Variants in TNS4 observed in about 807,000 individuals in gnomAD.
The protein encoded by TNS4 is tensin 4.
TNS4 carries 46 observed loss-of-function variants against 70.4 expected under a neutral mutation model. The ratio of observed to expected loss-of-function variants is 0.65; its 90% confidence interval spans 0.52 to 0.84. The LOEUF is 0.84. TNS4 is among the 40% of genes least tolerant of loss of function. The pLI is 0.00. For synonymous variants in TNS4, 390 were observed against 366.6 expected (o/e 1.06, Z -0.73); for missense variants, 863 against 907.0 (o/e 0.95, Z 0.62).
chr17:40,496,620 A>C, intron 1 of TNS4, 100 bp from the exon 2 acceptor site: 2 of 600,988 alleles, frequency 3.3e-6, no homozygotes, highest in South Asian at 2.2e-5. Context: ...ATTTAAAAGC[A>C]TGGATGCTGG....
intron 4 of TNS4, among the ~76,000 whole-genome samples, chr17:40,486,727 C>G (rs1192024125): frequency 6.6e-6 from 1 of 152,168 alleles, no homozygotes; most frequent in Non-Finnish European, 1.5e-5. Flanking sequence ...CCACAAACTT[C>G]TGATCCATTT....
chr17:40,479,648 G>A (rs1218893582), intron 10 of TNS4, 26 bp downstream of exon 10: 1 of 1,604,574 alleles, frequency 6.2e-7, no homozygotes, highest in South Asian at 1.1e-5. Context: ...CAGCCCCGGA[G>A]CCCCAGGGCA....
chr17:40,479,823 C>T lies in TNS4; in HGVS notation c.1761G>A (p.Leu587=), dbSNP rs778408758. The T allele has an allele frequency of 6.2e-7, 1 of 1,612,748 alleles. No homozygotes were observed. Among genetic ancestry groups the T allele is most frequent in the Non-Finnish European group, 8.5e-7 (1 of 1,179,588 alleles). The change falls in exon 10 of 13, where the codon CTG becomes CTA. Residue 587 remains leucine, a synonymous_variant. Coordinates refer to ENST00000254051, the MANE Select transcript of TNS4 (RefSeq NM_032865.6). ...KKSAGCHTLY[L]SSVSVETLTG... ...TCAGGGTCTCCACGCTCACTGAGCTCAGGTACAGGGTGTGGCAGCCTGTGG... is the reference window on the plus strand; with the variant it reads ...TCAGGGTCTCCACGCTCACTGAGCTTAGGTACAGGGTGTGGCAGCCTGTGG...
intron 5 of TNS4, 121 bp downstream of exon 5, chr17:40,484,800 T>TC (rs1567810304): frequency 2.2e-6 from 3 of 1,359,492 alleles, no homozygotes; most frequent in African/African-American, 1.4e-5. Context: ...CAGCAGGACA[T>TC]CCCCCTCCCC....
chr17:40,487,189 C>G lies in TNS4; in HGVS notation c.1135G>C (p.Gly379Arg). 3.1e-6 allele frequency: 5 copies of G among 1,614,038 alleles called. No individual in the cohort carries two copies. Among genetic ancestry groups the G allele is most frequent in the Non-Finnish European group, 4.2e-6 (5 of 1,180,026 alleles). The change falls in exon 4 of 13, where the codon GGC becomes CGC. Residue 379 changes from glycine (G) to arginine (R), a missense_variant. By Grantham distance (125) the Gly-to-Arg change is moderately radical. Transcript: ENST00000254051. ...MVDIPIVLIN[G>R]CPEPGSSPPQ... ...GGAGAAGACCCTGGTTCTGGGCAGC[C>G]GTTGATCAGCACAATGGGTATGTCC... is the stretch of plus-strand genomic sequence containing the variant.
At chr17:40,484,291 G>C (rs1307173763) in intron 6 of TNS4, among the ~76,000 whole-genome samples, 193 bp downstream of exon 6, 1 of 152,188 alleles carries the variant, frequency 6.6e-6, no homozygotes, top group Non-Finnish European at 1.5e-5. Flanking sequence ...CAGGCTTGCT[G>C]TGAAAGGCGT....
intron 4 of TNS4, among the ~76,000 whole-genome samples, chr17:40,486,135 T>C (rs770594772): frequency 6.6e-6 from 1 of 152,220 alleles, no homozygotes; most frequent in Non-Finnish European, 1.5e-5. Context: ...TGCTAGAGCT[T>C]AGCTTCTGGG....
intron 5 of TNS4, 32 bp from the exon 6 acceptor site, chr17:40,484,641 C>G: frequency 6.2e-7 from 1 of 1,608,852 alleles, no homozygotes; most frequent in Non-Finnish European, 8.5e-7. Flanking sequence ...AGATGGACAC[C>G]GCCCCACCTG....
rs1195460953 is a variant in TNS4 at position 40,480,716 on chromosome 17, G to T, written c.1725C>A (p.Cys575Ter). 2 of 1,567,442 alleles carry T rather than the reference G, an allele frequency of 1.3e-6. No individual in the cohort carries two copies. The highest frequency in any genetic ancestry group is 2.4e-5 in the East Asian group (1 of 41,620). The part of the protein sequence containing the change: ...ASDSTDSPAS[C>*]QKKSAGCHTL... ...ACCACTCACCCGCAGATTTCTTCTG[G>T]CAGGAGGCTGGGCTGTCTGTAGAGT... Residue 575 changes from cysteine to a stop codon, truncating the protein, a stop_gained, in exon 9 of 13, where the codon TGC becomes TGA. Coordinates refer to ENST00000254051, the MANE Select transcript of TNS4 (RefSeq NM_032865.6). LOFTEE classifies it high-confidence loss of function.
At chr17:40,489,879 A>T (rs2036044596) in intron 2 of TNS4, among the ~76,000 whole-genome samples, 1 of 151,446 alleles carries the variant, frequency 6.6e-6, no homozygotes, top group Admixed American at 6.6e-5. Context: ...CACTAGACTC[A>T]CCCCAGGCTG....
In TNS4 at chr17:40,484,568, T is replaced by C. The variant is rs776409160; in HGVS notation, c.1417A>G (p.Ile473Val). The change falls in exon 6 of 13, where the codon ATA (isoleucine) becomes GTA (valine). Residue 473 changes from isoleucine to valine, a missense_variant. Physicochemically the swap from Ile to Val is conservative, Grantham distance 29. Coordinates refer to ENST00000254051, the MANE Select transcript of TNS4 (RefSeq NM_032865.6). The stretch of plus-strand genomic sequence containing the variant: ...CCTCGGTATGAAGAGCTGTCCCTTA[T>C]GACAAAAGCCCCTGGCTCCTCCTTC... ...LRKEEPGAFV[I>V]RDSSSYRGSF... 4.3e-6 allele frequency: 7 copies of C among 1,612,940 alleles called. No homozygotes were observed. The Admixed American group carries it at 1.2e-4, about 27-fold the overall frequency.
chr17:40,478,128 C>G, intron 12 of TNS4, 179 bp downstream of exon 12: 2 of 768,042 alleles, frequency 2.6e-6, no homozygotes, highest in Non-Finnish European at 4.3e-6. Flanking sequence ...CATGTCACCC[C>G]CAACAGCCCA....
intron 11 of TNS4, 23 bp from the exon 12 acceptor site, chr17:40,478,356 C>T (rs749300307): frequency 1.1e-5 from 18 of 1,608,798 alleles, no homozygotes; most frequent in East Asian, 6.7e-5. Flanking sequence ...AACATGATAC[C>T]GAGTAATGAG....
chr17:40,485,753 C>A (rs988406109), intron 4 of TNS4, among the ~76,000 whole-genome samples: 1 of 152,162 alleles, frequency 6.6e-6, no homozygotes, highest in Non-Finnish European at 1.5e-5. Flanking sequence ...GGCCATTTCC[C>A]TGGGTCCCTA....
chr17:40,492,362 GA>G (rs1374406346), intron 2 of TNS4, among the ~76,000 whole-genome samples: 1 of 142,796 alleles, frequency 7.0e-6, no homozygotes. Flanking sequence ...TGGGATCATG[GA>G]TTACATGGAG....
At position 40,496,383 on chromosome 17, in the gene TNS4, C is replaced by G; in HGVS notation, c.43G>C (p.Ala15Pro). Residue 15 changes from alanine (A) to proline (P), a missense_variant, in exon 2 of 13, where the codon GCT becomes CCT. Ala to Pro is a conservative substitution (Grantham distance 27, BLOSUM62 -1). Transcript: ENST00000254051. ...TCATCACAAGGCGCCAAGCTGACAG[C>G]ATGGCCTCCTGCCAGCAGTGGGCTG... ...MSSPLLAGGH[A>P]VSLAPCDEPR... 1 of 1,613,162 alleles carries G rather than the reference C, an allele frequency of 6.2e-7. No individual in the cohort carries two copies. Among genetic ancestry groups the G allele is most frequent in the Non-Finnish European group, 8.5e-7 (1 of 1,179,946 alleles).
intron 6 of TNS4, among the ~76,000 whole-genome samples, chr17:40,483,746 A>G (rs1036128695): frequency 1.3e-5 from 2 of 152,218 alleles, no homozygotes; most frequent in African/African-American, 4.8e-5. Flanking sequence ...ACAGTGAGGC[A>G]TACTGTCAAG....
chr17:40,489,796 CAA>C (rs11463268), intron 2 of TNS4, among the ~76,000 whole-genome samples: 43 of 105,522 alleles, frequency 4.1e-4, no homozygotes, highest in Non-Finnish European at 3.6e-4. Flanking sequence ...GCCCCATCTC[CAA>C]AAAAAAAAAA....
chr17:40,496,080 A>T lies in TNS4; in HGVS notation c.346T>A (p.Phe116Ile). 1 of 1,613,200 alleles carries T rather than the reference A, an allele frequency of 6.2e-7. No individual in the cohort carries two copies. The highest frequency in any genetic ancestry group is 8.5e-7 in the Non-Finnish European group (1 of 1,179,698). Residue 116 changes from phenylalanine to isoleucine, a missense_variant, in exon 2 of 13, where the codon TTC becomes ATC. Coordinates refer to ENST00000254051, the MANE Select transcript of TNS4 (RefSeq NM_032865.6). The stretch of plus-strand genomic sequence containing the variant: ...CCAGTCCCTGGGGGAAGCAGCTGGA[A>T]GGTGGGGTCCAGTTCCAGGATCATC... ...NQMILELDPT[F>I]QLLPPGTGGS...
Sources: allele counts gnomAD v4.1 joint callset (sites outside exome capture counted in the v4.1 genomes callset), GRCh38; gene constraint gnomAD v4.1.1; transcripts MANE v1.5; gene names NCBI Gene and HGNC (gene_info 2026-07-23, HGNC 2026-07-21).